Variants in RXRA observed in about 807,000 individuals in gnomAD.
The protein encoded by RXRA is retinoid X receptor alpha, also known as retinoic acid receptor RXR-alpha.
A neutral mutation model predicts 44.5 loss-of-function variants in RXRA; 5 were observed. The observed-to-expected ratio is 0.11, with a 90% CI of 0.06 to 0.24. The LOEUF (loss-of-function observed/expected upper bound fraction) is 0.24, where lower values mean the gene tolerates loss of function less well. RXRA is among the 10% of genes least tolerant of loss of function. RXRA has a pLI of 1.00. For missense variants in RXRA, 412 were observed against 646.5 expected, an observed-to-expected ratio of 0.64 and a Z score of 3.93; for synonymous variants, 291 against 271.4, an observed-to-expected ratio of 1.07 and a Z score of -0.71.
At chr9:134,434,714 C>T (rs1315860132) in intron 9 of RXRA, among the ~76,000 whole-genome samples, 1 of 152,264 alleles carries the variant, frequency 6.6e-6, no homozygotes, top group Admixed American at 6.5e-5. Flanking sequence ...TCCCTCATTT[C>T]TGAGTCCACA....
Position 134,417,397 on chromosome 9 carries a change from AC to A in RXRA, c.780+72del. ...GTTTCCCTCACTCACTCACCCTCCC[AC>A]CTGAGCAGCTGATGAGCCAGAGAGG... On this transcript the variant is annotated intron_variant, in intron 5 of 9. Coordinates refer to ENST00000481739, the MANE Select transcript of RXRA (RefSeq NM_002957.6). The surrounding 1 kb of genome is among the most constrained non-coding windows in gnomAD (Gnocchi z 6.1). The A allele has an allele frequency of 1.3e-6, 2 of 1,541,382 alleles. No homozygotes were observed. Among genetic ancestry groups the A allele is most frequent in the Admixed American group, 3.5e-5 (2 of 56,434 alleles).
chr9:134,378,442 G>A (rs1470614304), intron 1 of RXRA, among the ~76,000 whole-genome samples: 1 of 152,246 alleles, frequency 6.6e-6, no homozygotes, highest in Admixed American at 6.5e-5. Context: ...AACGCAGCTG[G>A]TGAACAGAGC....
At chr9:134,404,413 C>CCG (rs922422831) in intron 2 of RXRA, 4 of 152,362 alleles carry the variant, frequency 2.6e-5, no homozygotes. Context: ...AGAGCAGGCC[C>CCG]GGGGGACATT....
At chr9:134,394,548 G>T (rs1452962442) in intron 1 of RXRA, among the ~76,000 whole-genome samples, 6 of 152,158 alleles carry the variant, frequency 3.9e-5, no homozygotes, top group Non-Finnish European at 5.9e-5. Context: ...AGCTCGCGGA[G>T]GTCTCTGGGG....
chr9:134,344,374 C>T (rs536937862), intron 1 of RXRA, among the ~76,000 whole-genome samples: 49 of 152,328 alleles, frequency 3.2e-4, no homozygotes, highest in African/African-American at 6.5e-4. Context: ...CTGCCCTTGC[C>T]GCCGGAAGGG....
intron 1 of RXRA, among the ~76,000 whole-genome samples, chr9:134,360,786 A>AT (rs531090451): frequency 7.8e-4 from 118 of 152,152 alleles, no homozygotes; most frequent in African/African-American, 2.8e-3. Flanking sequence ...GACTCATTGG[A>AT]TTGAGGGACT....
Position 134,435,459 on chromosome 9 carries a change from C to A in RXRA, c.1242-1008C>A, listed in dbSNP as rs1001878702. Among the ~76,000 whole-genome samples, 148 of 151,638 alleles carry A rather than the reference C, an allele frequency of 9.8e-4. 1 individual carries two copies. Among genetic ancestry groups the A allele is most frequent in the African/African-American group, 3.3e-3 (137 of 41,324 alleles). ...ATGGGCCAGGCCCTGAGGACCAACC[C>A]GTGCTCCCTCCCTCCCCGGCCAGCC... On this transcript the variant is annotated intron_variant, in intron 9 of 9. Coordinates refer to ENST00000481739, the MANE Select transcript of RXRA (RefSeq NM_002957.6).
At chr9:134,392,769 C>T (rs1163861707) in intron 1 of RXRA, among the ~76,000 whole-genome samples, 1 of 152,174 alleles carries the variant, frequency 6.6e-6, no homozygotes, top group Non-Finnish European at 1.5e-5. Context: ...GGTCCTGGCC[C>T]CTGGGTTCAG....
rs1360283317 is a variant in RXRA, at chr9:134,426,549, T to C, written c.911-2559T>C. ...CACTGTTCTGTCCGTGTGTCTGGGC[T>C]CCTGACCTGTATCCCGTGCTGAGGG... On this transcript the variant is annotated intron_variant, in intron 6 of 9. Coordinates refer to ENST00000481739, the MANE Select transcript of RXRA (RefSeq NM_002957.6). This position sits in a 1 kb window ranked among gnomAD's most constrained non-coding sequence, Gnocchi z 4.6. 1 of 985,426 alleles carries C rather than the reference T, an allele frequency of 1.0e-6. No homozygotes were observed. Among genetic ancestry groups the C allele is most frequent in the Non-Finnish European group, 1.2e-6 (1 of 829,918 alleles). 61.0% of individuals were successfully genotyped at this position (985,426 alleles called of 1,614,324 possible). A position where few individuals can be genotyped will look rare whatever the true frequency, so the allele number is the denominator to read the frequency against.
In RXRA at chr9:134,353,655, C is replaced by T. The variant is rs537360389; in HGVS notation, c.28+26996C>T. ...TTGGCAGCTTTTCTGCCTCCTCCTG[C>T]TTTCCCCAGGGTGGCAGGGCAGAGG... On this transcript the variant is annotated intron_variant, in intron 1 of 9. Coordinates refer to ENST00000481739, the MANE Select transcript of RXRA (RefSeq NM_002957.6). Among the ~76,000 whole-genome samples, 6 of 152,336 alleles carry T rather than the reference C, an allele frequency of 3.9e-5. No homozygotes were observed. The South Asian group carries it at 8.3e-4, about 21-fold the overall frequency.
chr9:134,371,587 A>T (rs1243356874), intron 1 of RXRA, among the ~76,000 whole-genome samples: 1 of 152,150 alleles, frequency 6.6e-6, no homozygotes, highest in Non-Finnish European at 1.5e-5. Flanking sequence ...GCCCCATTTC[A>T]TGGCCATGGC....
In RXRA at chr9:134,346,124, C is replaced by T. The variant is rs574911586; in HGVS notation, c.28+19465C>T. On this transcript the variant is annotated intron_variant, in intron 1 of 9. Transcript: ENST00000481739. ...TATTGGGGGGCCACGCAGGGTCCCTCGGCTCTACCACTGCTGGCTCATTCT... is the reference window on the plus strand; with the variant it reads ...TATTGGGGGGCCACGCAGGGTCCCTTGGCTCTACCACTGCTGGCTCATTCT... Among the ~76,000 whole-genome samples, 217 of 152,254 alleles carry T rather than the reference C, an allele frequency of 1.4e-3. 1 individual carries two copies. Among genetic ancestry groups the T allele is most frequent in the African/African-American group, 4.8e-3 (200 of 41,526 alleles).
chr9:134,393,141 G>A (rs111422495), intron 1 of RXRA, among the ~76,000 whole-genome samples: 211 of 152,288 alleles, frequency 1.4e-3, no homozygotes, highest in African/African-American at 4.8e-3. Flanking sequence ...CCAAGTGCAG[G>A]GCGAGCTGGG....
chr9:134,378,286 G>T (rs1038676411), intron 1 of RXRA, among the ~76,000 whole-genome samples: 3 of 151,984 alleles, frequency 2.0e-5, no homozygotes, highest in Non-Finnish European at 4.4e-5. Flanking sequence ...CTGGGTCAGC[G>T]CTGGGGAGCC....
intron 1 of RXRA, among the ~76,000 whole-genome samples, chr9:134,400,371 C>G (rs1830940076): frequency 6.6e-6 from 1 of 152,196 alleles, no homozygotes; most frequent in Non-Finnish European, 1.5e-5. Context: ...CATAGCCACT[C>G]TATGTGTTCA....
Position 134,426,878 on chromosome 9 carries a change from G to A in RXRA, c.911-2230G>A. ...CCCTGCCCTTGGCCACAGGAAGTCT[G>A]TCCACACTGGGCCTGGTGTGGGAAG... On this transcript the variant is annotated intron_variant, in intron 6 of 9. Transcript: ENST00000481739. This position sits in a 1 kb window ranked among gnomAD's most constrained non-coding sequence, Gnocchi z 4.6. The A allele has an allele frequency of 2.0e-6, 2 of 985,388 alleles. No homozygotes were observed. Among genetic ancestry groups the A allele is most frequent in the Non-Finnish European group, 2.4e-6 (2 of 829,914 alleles). The allele number at this position is 985,388 out of a possible 1,614,324, so 61.0% of individuals were successfully genotyped here. A position where few individuals can be genotyped will look rare whatever the true frequency, so the allele number is the denominator to read the frequency against.
intron 1 of RXRA, among the ~76,000 whole-genome samples, chr9:134,381,964 C>T (rs191758086): frequency 6.6e-6 from 1 of 152,144 alleles, no homozygotes; most frequent in Non-Finnish European, 1.5e-5. Context: ...AGCCACCGCT[C>T]CCTCGGTGTA....
chr9:134,326,988 A>G (rs1238594451), intron 1 of RXRA, among the ~76,000 whole-genome samples: 19 of 151,398 alleles, frequency 1.3e-4, no homozygotes, highest in Non-Finnish European at 2.2e-4. Flanking sequence ...CCGCACAGGA[A>G]CCCGGCCGGA....
chr9:134,418,936 G>A (rs942486876), intron 5 of RXRA, among the ~76,000 whole-genome samples: 2 of 152,226 alleles, frequency 1.3e-5, no homozygotes, highest in African/African-American at 2.4e-5. Context: ...CTGAGGCCCC[G>A]TGGCTGGGTC....
Sources: allele counts gnomAD v4.1 joint callset (sites outside exome capture counted in the v4.1 genomes callset), GRCh38; gene constraint gnomAD v4.1.1; non-coding constraint Gnocchi (gnomAD v3.1); transcripts MANE v1.5; gene names NCBI Gene and HGNC (gene_info 2026-07-23, HGNC 2026-07-21).